Variants in SHISA9 observed in about 807,000 individuals in gnomAD.
SHISA9 encodes the protein protein shisa-9.
In SHISA9, 13 loss-of-function variants were observed where a neutral mutation model predicts 38.0. The ratio of observed to expected loss-of-function variants is 0.34; its 90% confidence interval spans 0.22 to 0.54. The LOEUF (loss-of-function observed/expected upper bound fraction) is 0.54, where lower values mean the gene tolerates loss of function less well. Among genes scored for constraint, SHISA9 ranks in the 20% least tolerant of loss-of-function variants. SHISA9 has a pLI of 0.91. For missense variants in SHISA9, 538 were observed against 575.8 expected (o/e 0.93, Z 0.67); for synonymous variants, 275 against 242.0 (o/e 1.14, Z -1.27).
chr16:13,100,035 C>G lies in SHISA9; in HGVS notation c.692-103359C>G, dbSNP rs536294229. On this transcript the variant is annotated intron_variant, in intron 2 of 4. Coordinates refer to ENST00000558583, the MANE Select transcript of SHISA9 (RefSeq NM_001145204.3). ...TCAGCAGGAGGTCTGGGGACTGTAG[C>G]AAAGTGAGGGACACACGGCCCTTTC... Among the ~76,000 whole-genome samples the G allele has an allele frequency of 3.3e-5, 5 of 152,302 alleles. No individual in the cohort carries two copies. The South Asian group carries it at 1.0e-3, about 32-fold the overall frequency.
At chr16:13,313,703 G>T in the SHISA9 span, among the ~76,000 whole-genome samples, 9 of 152,284 alleles carry the variant, frequency 5.9e-5, no homozygotes, top group East Asian at 9.6e-4. Context: ...GTAACAAATT[G>T]TATACACAGA....
At chr16:13,462,928 C>T in the SHISA9 span, among the ~76,000 whole-genome samples, 1 of 152,008 alleles carries the variant, frequency 6.6e-6, no homozygotes, top group East Asian at 1.9e-4. Flanking sequence ...CACCATTGCA[C>T]TCCAGCCTGA....
At chr16:13,262,203 C>A in the SHISA9 span, among the ~76,000 whole-genome samples, 700 of 152,242 alleles carry the variant, frequency 4.6e-3, 1 homozygote, top group African/African-American at 0.014. Context: ...ATAAAACATA[C>A]AAAACCAGTC....
intron 2 of SHISA9, among the ~76,000 whole-genome samples, chr16:13,018,835 G>A (rs1312937823): frequency 6.6e-6 from 1 of 152,182 alleles, no homozygotes; most frequent in African/African-American, 2.4e-5. Flanking sequence ...TAATCTGTGT[G>A]TGCCAGAGCC....
the SHISA9 span, among the ~76,000 whole-genome samples, chr16:13,347,394 A>T: frequency 6.6e-6 from 1 of 152,156 alleles, no homozygotes; most frequent in Non-Finnish European, 1.5e-5. Context: ...CACATCTTTT[A>T]TTGAGTCCAT....
At chr16:13,308,245 T>C in the SHISA9 span, among the ~76,000 whole-genome samples, 5 of 152,066 alleles carry the variant, frequency 3.3e-5, no homozygotes, top group Non-Finnish European at 7.4e-5. Context: ...AAAGTAATCT[T>C]TGTTCCAGGC....
At chr16:13,232,225 G>A (rs539656434) in intron 4 of SHISA9, among the ~76,000 whole-genome samples, 1 of 152,162 alleles carries the variant, frequency 6.6e-6, no homozygotes, top group South Asian at 2.1e-4. Context: ...AGAGATGAAA[G>A]TTCAAAAGTT....
chr16:13,069,621 T>A (rs138052219), intron 2 of SHISA9, among the ~76,000 whole-genome samples: 42 of 152,308 alleles, frequency 2.8e-4, no homozygotes, highest in African/African-American at 8.9e-4. Context: ...ACATGCAATG[T>A]GTGTGTCTGT....
the SHISA9 span, among the ~76,000 whole-genome samples, chr16:13,254,333 T>A: frequency 1.3e-5 from 2 of 152,150 alleles, no homozygotes; most frequent in Non-Finnish European, 1.5e-5. Flanking sequence ...ATGTCCAGCC[T>A]TCACAGATTT....
chr16:13,475,473 G>T, the SHISA9 span, among the ~76,000 whole-genome samples: 7 of 151,890 alleles, frequency 4.6e-5, no homozygotes, highest in African/African-American at 1.7e-4. Flanking sequence ...TGACAAATAT[G>T]TGTCAGGCAT....
intron 2 of SHISA9, among the ~76,000 whole-genome samples, chr16:12,939,947 G>C (rs1596540168): frequency 6.6e-6 from 1 of 152,192 alleles, no homozygotes; most frequent in Admixed American, 6.5e-5. Flanking sequence ...AGGTGATTCT[G>C]ATGTCAGTGG....
intron 2 of SHISA9, among the ~76,000 whole-genome samples, chr16:13,010,759 C>T (rs1402834993): frequency 1.3e-5 from 2 of 152,126 alleles, no homozygotes; most frequent in Non-Finnish European, 2.9e-5. Flanking sequence ...CGAGACCGGT[C>T]TGGCCAACAT....
chr16:13,245,206 T>C (rs184354076), downstream of SHISA9, among the ~76,000 whole-genome samples: 60 of 152,306 alleles, frequency 3.9e-4, no homozygotes, highest in African/African-American at 1.3e-3. Context: ...CATGAGCCTC[T>C]GCACCCTGCC....
the SHISA9 span, among the ~76,000 whole-genome samples, chr16:13,509,583 C>A: frequency 6.6e-6 from 1 of 152,196 alleles, no homozygotes; most frequent in Non-Finnish European, 1.5e-5. Flanking sequence ...TTGAAAGTTT[C>A]TTTCATTTTC....
At chr16:13,001,694 T>C (rs1014309797) in intron 2 of SHISA9, among the ~76,000 whole-genome samples, 3 of 152,218 alleles carry the variant, frequency 2.0e-5, no homozygotes, top group African/African-American at 7.2e-5. Flanking sequence ...ATTCCTAAGA[T>C]TTGTGTCTTA....
At chr16:13,506,389 A>G in the SHISA9 span, among the ~76,000 whole-genome samples, 1 of 152,190 alleles carries the variant, frequency 6.6e-6, no homozygotes, top group Non-Finnish European at 1.5e-5. Context: ...AATAAGGATG[A>G]TACAGAGGTA....
the SHISA9 span, among the ~76,000 whole-genome samples, chr16:13,542,495 C>T: frequency 2.6e-5 from 4 of 152,106 alleles, no homozygotes; most frequent in African/African-American, 9.7e-5. Flanking sequence ...TCACACAGCC[C>T]CCTAGAGGGC....
the SHISA9 span, among the ~76,000 whole-genome samples, chr16:13,365,090 A>G: frequency 6.6e-6 from 1 of 152,294 alleles, no homozygotes; most frequent in Non-Finnish European, 1.5e-5. Flanking sequence ...GGTATTCAGT[A>G]CCTATACCTA....
intron 2 of SHISA9, among the ~76,000 whole-genome samples, chr16:12,984,850 C>T (rs565835573): frequency 4.6e-5 from 7 of 152,200 alleles, no homozygotes; most frequent in African/African-American, 9.6e-5. Context: ...TAAGTCTGTA[C>T]GGCCTGAGGT....
Sources: allele counts gnomAD v4.1 joint callset (sites outside exome capture counted in the v4.1 genomes callset), GRCh38; gene constraint gnomAD v4.1.1; transcripts MANE v1.5; gene names NCBI Gene and HGNC (gene_info 2026-07-23, HGNC 2026-07-21).